Variants in EGFLAM observed in about 807,000 individuals in gnomAD.
EGFLAM encodes pikachurin.
Under a neutral mutation model 113.1 loss-of-function variants are expected in EGFLAM, and 79 were observed. The ratio of observed to expected loss-of-function variants is 0.70; its 90% CI spans 0.58 to 0.84. EGFLAM has a LOEUF of 0.84. Among genes scored for constraint, EGFLAM ranks in the 40% least tolerant of loss-of-function variants. The probability of loss-of-function intolerance (pLI) is 0.00; values close to 1 mark genes in which losing one functional copy is unlikely to be tolerated. For synonymous variants in EGFLAM, 504 were observed against 487.6 expected (o/e 1.03, Z -0.44); for missense variants, 1,265 against 1,291.6 (o/e 0.98, Z 0.32).
intron 1 of EGFLAM, among the ~76,000 whole-genome samples, chr5:38,308,185 G>C (rs1361635363): frequency 2.0e-5 from 3 of 152,220 alleles, no homozygotes; most frequent in Non-Finnish European, 2.9e-5. Flanking sequence ...CAAAAGGGTA[G>C]CCTTTACTAC....
intron 1 of EGFLAM, among the ~76,000 whole-genome samples, chr5:38,269,771 G>GGGATTAC (rs1374698719): frequency 6.6e-6 from 1 of 152,178 alleles, no homozygotes; most frequent in East Asian, 1.9e-4. Flanking sequence ...TTACAGGCCT[G>GGGATTAC]AGCCACTGCG....
chr5:38,307,398 A>G (rs1008961879), intron 1 of EGFLAM, among the ~76,000 whole-genome samples: 1 of 152,204 alleles, frequency 6.6e-6, no homozygotes, highest in South Asian at 2.1e-4. Flanking sequence ...TAATGAGTGA[A>G]TTCTCACAAG....
intron 20 of EGFLAM, among the ~76,000 whole-genome samples, chr5:38,460,482 T>C (rs1386689385): frequency 2.0e-5 from 3 of 152,166 alleles, no homozygotes; most frequent in African/African-American, 7.2e-5. Context: ...TTTCAGATGT[T>C]TGGGAGGGAT....
intron 5 of EGFLAM, among the ~76,000 whole-genome samples, chr5:38,355,889 T>C (rs1231287309): frequency 1.3e-5 from 2 of 151,818 alleles, no homozygotes; most frequent in Non-Finnish European, 2.9e-5. Context: ...GCCTCCCGAG[T>C]AGCTGGGGTT....
At chr5:38,462,647 C>T (rs1743324893) in intron 20 of EGFLAM, 2 of 392,950 alleles carry the variant, frequency 5.1e-6, no homozygotes, top group Non-Finnish European at 4.8e-6. Flanking sequence ...GGTGTAATTC[C>T]ACAGCACCCT....
chr5:38,394,089 T>C (rs1291839668), intron 6 of EGFLAM, among the ~76,000 whole-genome samples: 2 of 151,938 alleles, frequency 1.3e-5, no homozygotes, highest in Non-Finnish European at 2.9e-5. Flanking sequence ...ATCCATCTAT[T>C]TGTAGTCTCC....
At chr5:38,458,122 T>G (rs1365852364) in intron 19 of EGFLAM, among the ~76,000 whole-genome samples, 189 bp from the exon 20 acceptor site, 2 of 152,184 alleles carry the variant, frequency 1.3e-5, no homozygotes, top group Non-Finnish European at 2.9e-5. Context: ...AATTTAAAAG[T>G]TTAATAATTT....
intron 12 of EGFLAM, among the ~76,000 whole-genome samples, chr5:38,422,342 C>A (rs1741854671): frequency 6.6e-6 from 1 of 152,084 alleles, no homozygotes; most frequent in Non-Finnish European, 1.5e-5. Context: ...TAAGAGTTTT[C>A]CCCCTAAAAT....
chr5:38,387,494 G>A (rs950859305), intron 6 of EGFLAM, among the ~76,000 whole-genome samples: 3 of 152,172 alleles, frequency 2.0e-5, no homozygotes, highest in Admixed American at 1.3e-4. Flanking sequence ...GTTTTCTCAA[G>A]GTGTAGGTTT....
chr5:38,266,267 G>A (rs1757633581), intron 1 of EGFLAM, among the ~76,000 whole-genome samples: 2 of 152,274 alleles, frequency 1.3e-5, no homozygotes, highest in South Asian at 2.1e-4. Context: ...ACACATTGGG[G>A]TTCAAGTTCT....
chr5:38,279,980 AC>A (rs966901834), intron 1 of EGFLAM, among the ~76,000 whole-genome samples: 7 of 152,206 alleles, frequency 4.6e-5, no homozygotes, highest in African/African-American at 1.7e-4. Flanking sequence ...CATAATAAAT[AC>A]ACACAATTTG....
Position 38,458,388 on chromosome 5 carries a change from C to T in EGFLAM, c.2765C>T (p.Ala922Val), listed in dbSNP as rs139285515. 3.1e-4 allele frequency: 503 copies of T among 1,613,868 alleles called. 4 individuals are homozygous for T. The African/African-American group carries it at 6.2e-3, about 20-fold the overall frequency. Reference sequence around the variant, plus strand: ...GATGGTCGGTGGCACCGAGTTAAGGCCGTTAGGTGAGTCCCTCCCGCAGCA... The same window carrying T: ...GATGGTCGGTGGCACCGAGTTAAGGTCGTTAGGTGAGTCCCTCCCGCAGCA... ...FNDGRWHRVK[A>V]VRDGQSGKIT... The change falls in exon 20 of 22, where the codon GCC (alanine) becomes GTC (valine). Residue 922 changes from alanine (A) to valine (V), a missense_variant. Coordinates refer to ENST00000322350, the MANE Select transcript of EGFLAM (RefSeq NM_152403.4).
At chr5:38,386,230 G>T (rs977680712) in intron 6 of EGFLAM, among the ~76,000 whole-genome samples, 3 of 152,168 alleles carry the variant, frequency 2.0e-5, no homozygotes, top group African/African-American at 7.2e-5. Context: ...TGTTGTTGTT[G>T]TTGTTGCCCA....
At chr5:38,311,226 T>C (rs1038385027) in intron 1 of EGFLAM, among the ~76,000 whole-genome samples, 5 of 152,194 alleles carry the variant, frequency 3.3e-5, no homozygotes, top group African/African-American at 9.7e-5. Flanking sequence ...ATTTCAAATC[T>C]ATTCTTTTAG....
chr5:38,437,571 C>T (rs1436653194), intron 16 of EGFLAM, among the ~76,000 whole-genome samples: 1 of 152,178 alleles, frequency 6.6e-6, no homozygotes, highest in African/African-American at 2.4e-5. Context: ...TTTAAAGTTA[C>T]TGACGACTTG....
intron 1 of EGFLAM, among the ~76,000 whole-genome samples, chr5:38,333,031 T>C (rs1470825826): frequency 6.6e-6 from 1 of 152,232 alleles, no homozygotes; most frequent in East Asian, 1.9e-4. Context: ...CAGCTCCCAC[T>C]TATAAGTGAG....
intron 1 of EGFLAM, among the ~76,000 whole-genome samples, chr5:38,320,305 G>A (rs557754124): frequency 4.6e-5 from 7 of 152,220 alleles, no homozygotes; most frequent in East Asian, 3.9e-4. Flanking sequence ...CAAATTCTTG[G>A]GACCTCTTCC....
chr5:38,272,772 GTGTGTC>G (rs1293334056), intron 1 of EGFLAM, among the ~76,000 whole-genome samples: 2 of 151,984 alleles, frequency 1.3e-5, no homozygotes, highest in African/African-American at 2.4e-5. Flanking sequence ...GTGTGTGTGT[GTGTGTC>G]TGTGTCTGTG....
intron 5 of EGFLAM, among the ~76,000 whole-genome samples, chr5:38,366,779 T>C (rs1740072356): frequency 2.0e-5 from 3 of 152,132 alleles, no homozygotes; most frequent in African/African-American, 7.2e-5. Context: ...GAAGGACCCT[T>C]TACTTAGAAA....
Sources: allele counts gnomAD v4.1 joint callset (sites outside exome capture counted in the v4.1 genomes callset), GRCh38; gene constraint gnomAD v4.1.1; transcripts MANE v1.5; gene names NCBI Gene and HGNC (gene_info 2026-07-23, HGNC 2026-07-21).